Variants in FAM135B observed in about 807,000 individuals in gnomAD.
The protein encoded by FAM135B is family with sequence similarity 135 member B.
FAM135B carries 43 observed loss-of-function variants against 127.7 expected under a neutral mutation model. The observed-to-expected ratio is 0.34, with a 90% CI of 0.26 to 0.43. The LOEUF (loss-of-function observed/expected upper bound fraction) is 0.43. FAM135B is among the 20% of genes least tolerant of loss of function. The pLI is 1.00. For missense variants in FAM135B, 1,558 were observed against 1,725.6 expected, an observed-to-expected ratio of 0.90 and a Z score of 1.72; for synonymous variants, 670 against 665.1, an observed-to-expected ratio of 1.01 and a Z score of -0.11.
At chr8:138,187,101 C>T (rs1328962323) in intron 9 of FAM135B, among the ~76,000 whole-genome samples, 3 of 152,324 alleles carry the variant, frequency 2.0e-5, no homozygotes, top group Admixed American at 2.0e-4. Flanking sequence ...GTCATTGTTG[C>T]AGTGACTGCA....
chr8:138,217,251 A>C (rs1463139512), intron 7 of FAM135B, among the ~76,000 whole-genome samples: 1 of 152,178 alleles, frequency 6.6e-6, no homozygotes, highest in Non-Finnish European at 1.5e-5. Context: ...GGCTAGAATT[A>C]TCAATATACT....
intron 2 of FAM135B, among the ~76,000 whole-genome samples, chr8:138,312,507 A>C (rs1826765989): frequency 6.6e-6 from 1 of 152,314 alleles, no homozygotes; most frequent in East Asian, 1.9e-4. Flanking sequence ...GAAGCCAAGA[A>C]GCCAGAAAAG....
rs767263339 is a variant in FAM135B at position 138,243,774 on chromosome 8, T to C, written c.543-706A>G. Among the ~76,000 whole-genome samples the C allele has an allele frequency of 3.3e-5, 5 of 152,242 alleles. No homozygotes were observed. The highest frequency in any genetic ancestry group is 7.3e-5 in the Non-Finnish European group (5 of 68,042). On this transcript the variant is annotated intron_variant, in intron 6 of 19. Coordinates refer to ENST00000395297, the MANE Select transcript of FAM135B (RefSeq NM_015912.4). The surrounding 1 kb of genome is among the most constrained non-coding windows in gnomAD (Gnocchi z 7.5). Reference sequence around the variant, plus strand: ...AGTTTATGATCATCTTCCTCTATCTTTACCTGTTTGATTTTCATCAATTGA... The same window carrying C: ...AGTTTATGATCATCTTCCTCTATCTCTACCTGTTTGATTTTCATCAATTGA...
chr8:138,167,852 G>T (rs2130898243), intron 12 of FAM135B, 43 bp downstream of exon 12: 1 of 1,553,722 alleles, frequency 6.4e-7, no homozygotes, highest in South Asian at 1.2e-5. Flanking sequence ...AATCCCACTG[G>T]AAAGCCTTAT....
intron 2 of FAM135B, among the ~76,000 whole-genome samples, chr8:138,354,555 C>T (rs1829971085): frequency 6.6e-6 from 1 of 152,136 alleles, no homozygotes; most frequent in Non-Finnish European, 1.5e-5. Context: ...TGTTTAACTT[C>T]CATTTCTGAC....
chr8:138,145,995 T>C lies in FAM135B; in HGVS notation c.3504A>G (p.Gly1168=). ...CAGACATTAGGAAGTCCAGTTTTCC[T>C]CCAGGGAGCCCCAGTTCTATGAAAG... is the stretch of plus-strand genomic sequence containing the variant. ...VKTFIELGLP[G]GKLDFLMSEK... is the part of the protein sequence containing the mutation. Residue 1168 remains glycine, a synonymous_variant, in exon 15 of 20, where the codon GGA becomes GGG. Coordinates refer to ENST00000395297, the MANE Select transcript of FAM135B (RefSeq NM_015912.4). 6.2e-7 allele frequency: 1 copy of C among 1,610,666 alleles called. No individual in the cohort carries two copies. The highest frequency in any genetic ancestry group is 8.5e-7 in the Non-Finnish European group (1 of 1,176,968).
intron 3 of FAM135B, among the ~76,000 whole-genome samples, chr8:138,285,890 T>C (rs910045698): frequency 6.6e-6 from 1 of 152,234 alleles, no homozygotes; most frequent in Non-Finnish European, 1.5e-5. Flanking sequence ...AGATTCTTCA[T>C]TCATCTGCTT....
At chr8:138,286,313 T>C (rs1824681840) in intron 3 of FAM135B, among the ~76,000 whole-genome samples, 1 of 152,198 alleles carries the variant, frequency 6.6e-6, no homozygotes, top group Non-Finnish European at 1.5e-5. Flanking sequence ...CTTGGACCCC[T>C]GGGTCAGGTT....
chr8:138,406,955 G>C (rs1333410955), intron 1 of FAM135B, among the ~76,000 whole-genome samples: 3 of 151,078 alleles, frequency 2.0e-5, no homozygotes, highest in African/African-American at 7.3e-5. Flanking sequence ...TAGGAAAAGA[G>C]GAAGTCAAAT....
chr8:138,250,302 G>A (rs532203114), intron 6 of FAM135B, among the ~76,000 whole-genome samples: 6 of 152,286 alleles, frequency 3.9e-5, no homozygotes, highest in East Asian at 1.9e-4. Context: ...GCAGCAAGCC[G>A]AGGTGGTGCC....
At chr8:138,202,301 G>A (rs1586759547) in intron 7 of FAM135B, among the ~76,000 whole-genome samples, 1 of 152,144 alleles carries the variant, frequency 6.6e-6, no homozygotes, top group African/African-American at 2.4e-5. Context: ...CCAGGTTGGA[G>A]TACAGTGGCG....
At chr8:138,329,137 T>C (rs1252397984) in intron 2 of FAM135B, among the ~76,000 whole-genome samples, 2 of 151,642 alleles carry the variant, frequency 1.3e-5, no homozygotes, top group Non-Finnish European at 2.9e-5. Context: ...GGGACAGAGA[T>C]AAGTAGATGT....
At chr8:138,164,759 A>AC (rs2130877891) in intron 12 of FAM135B, among the ~76,000 whole-genome samples, 1 of 152,236 alleles carries the variant, frequency 6.6e-6, no homozygotes, top group Non-Finnish European at 1.5e-5. Flanking sequence ...AATGCATAAA[A>AC]CCAAGCTGTG....
chr8:138,138,785 G>A (rs184310576), intron 18 of FAM135B, among the ~76,000 whole-genome samples: 1 of 152,346 alleles, frequency 6.6e-6, no homozygotes, highest in East Asian at 1.9e-4. Flanking sequence ...AATCTCTCAC[G>A]TGCCATATGG....
chr8:138,432,500 C>T (rs777157611), intron 1 of FAM135B, among the ~76,000 whole-genome samples: 6 of 151,938 alleles, frequency 3.9e-5, no homozygotes, highest in Non-Finnish European at 7.4e-5. Flanking sequence ...GTCCTGCAAA[C>T]CAGGTGTGTC....
At chr8:138,206,301 C>T (rs1272048725) in intron 7 of FAM135B, among the ~76,000 whole-genome samples, 17 of 151,228 alleles carry the variant, frequency 1.1e-4, no homozygotes, top group South Asian at 2.1e-4. Context: ...CTCTATCATC[C>T]CCTCCACCTA....
chr8:138,226,195 CAT>C (rs1491508703), intron 7 of FAM135B, among the ~76,000 whole-genome samples: 48 of 91,560 alleles, frequency 5.2e-4, no homozygotes, highest in African/African-American at 2.1e-3. Flanking sequence ...GCGCGCATGT[CAT>C]TTTTTTTTTC....
intron 1 of FAM135B, among the ~76,000 whole-genome samples, chr8:138,425,858 A>G (rs1834809694): frequency 1.3e-5 from 2 of 151,402 alleles, no homozygotes; most frequent in African/African-American, 2.4e-5. Flanking sequence ...GAATATAAAT[A>G]TACTATGGGG....
chr8:138,305,198 C>G (rs899616840), intron 3 of FAM135B, among the ~76,000 whole-genome samples: 2 of 152,214 alleles, frequency 1.3e-5, no homozygotes, highest in Non-Finnish European at 2.9e-5. Context: ...AATTACCTCT[C>G]AAAACATTAC....
Sources: allele counts gnomAD v4.1 joint callset (sites outside exome capture counted in the v4.1 genomes callset), GRCh38; gene constraint gnomAD v4.1.1; non-coding constraint Gnocchi (gnomAD v3.1); transcripts MANE v1.5; gene names NCBI Gene and HGNC (gene_info 2026-07-23, HGNC 2026-07-21).